ZBED3: variants seen among roughly 807,000 people sequenced by gnomAD.
The protein encoded by ZBED3 is zinc finger BED-type containing 3.
For missense variants in ZBED3, 388 were observed against 362.9 expected (o/e 1.07, Z -0.56); for synonymous variants, 175 against 180.0 (o/e 0.97, Z 0.22).
In ZBED3 at chr5:77,077,609, C is replaced by T; in HGVS notation, c.270G>A (p.Trp90Ter). The T allele has an allele frequency of 2.8e-6, 4 of 1,405,248 alleles. No homozygotes were observed. Among genetic ancestry groups the T allele is most frequent in the Non-Finnish European group, 3.7e-6 (4 of 1,078,666 alleles). The allele number at this position is 1,405,248 out of a possible 1,614,324, so 87.0% of individuals were successfully genotyped here. The change falls in exon 3 of 3, where the codon TGG (tryptophan) becomes TGA (stop). Residue 90 changes from tryptophan (W) to a stop codon, truncating the protein, a stop_gained. Transcript: ENST00000255198. LOFTEE classifies it low-confidence loss of function (END_TRUNC). The stretch of plus-strand genomic sequence containing the variant: ...GCCGGTGCGCGCTCCTCAGGTGCCT[C>T]CACAACGCCGAGGTCCCCGCGTGGA... ...PGFHAGTSAL[W>*]RHLRSAHRRE... is the part of the protein sequence containing the mutation.
At position 77,077,662 on chromosome 5, in the gene ZBED3, C is replaced by G; in HGVS notation, c.217G>C (p.Gly73Arg). The change falls in exon 3 of 3, where the codon GGG becomes CGG. Residue 73 changes from glycine to arginine, a missense_variant. By Grantham distance (125) the Gly-to-Arg change is moderately radical. Transcript: ENST00000255198. ...SGHWATCRLC[G>R]EQVGRGPGFH... is the part of the protein sequence containing the mutation. ...CCCGGGCCGCGGCCCACCTGCTCCC[C>G]GCACAGACGGCAGGTGGCCCAGTGG... 1 of 1,403,528 alleles carries G rather than the reference C, an allele frequency of 7.1e-7. No individual in the cohort carries two copies. Among genetic ancestry groups the G allele is most frequent in the South Asian group, 1.5e-5 (1 of 66,506 alleles). 86.9% of individuals were successfully genotyped at this position (1,403,528 alleles called of 1,614,324 possible).
chr5:77,085,273 A>T (rs1190676834), intron 1 of ZBED3, among the ~76,000 whole-genome samples: 2 of 152,378 alleles, frequency 1.3e-5, no homozygotes, highest in East Asian at 3.9e-4. Flanking sequence ...ATCTGTATAA[A>T]CATGGGCATA....
At position 77,079,993 on chromosome 5, in the gene ZBED3, C is replaced by T. The variant is rs928887708; in HGVS notation, c.-152-1265G>A. Among the ~76,000 whole-genome samples, 11 of 151,748 alleles carry T rather than the reference C, an allele frequency of 7.2e-5. 1 individual carries two copies. The South Asian group carries it at 1.9e-3, about 26-fold the overall frequency. ...CCTTCTATATTGAATCTGATCTTTC[C>T]TGAGGTCCTTTTTTATTACTGGACA... On this transcript the variant is annotated intron_variant, in intron 1 of 2. Transcript: ENST00000255198.
In ZBED3 at chr5:77,075,993, G is replaced by GTATA. The variant is rs1230338430; in HGVS notation, c.*1177_*1180dup. 4.9e-5 allele frequency: 1 copy of GTATA among 20,588 alleles called. No homozygotes were observed. Among genetic ancestry groups the GTATA allele is most frequent in the African/African-American group, 1.9e-4 (1 of 5,350 alleles). The allele number at this position is 20,588 out of a possible 1,614,324, so 1.3% of individuals were successfully genotyped here. On this transcript the variant is annotated 3_prime_UTR_variant, in exon 3 of 3. Coordinates refer to ENST00000255198, the MANE Select transcript of ZBED3 (RefSeq NM_032367.4). Reference sequence around the variant, plus strand: ...TATATGTATATATGTATATATATATGTATATATGTATATATATATGTATAT... The same window carrying GTATA: ...TATATGTATATATGTATATATATATGTATATATATATGTATATATATATGTATAT...
In ZBED3 at chr5:77,072,128, T is replaced by C. The variant is rs1455911517; in HGVS notation, c.*5046A>G. ...TGAAACCAGATTTCAGAGAATGTCA[T>C]AATTAAGATTTTTATAAAAAGAAAC... On this transcript the variant is annotated 3_prime_UTR_variant, in exon 3 of 3. Coordinates refer to ENST00000255198, the MANE Select transcript of ZBED3 (RefSeq NM_032367.4). 1 of 152,194 alleles carries C rather than the reference T, an allele frequency of 6.6e-6. No homozygotes were observed. The highest frequency in any genetic ancestry group is 1.5e-5 in the Non-Finnish European group (1 of 68,022). The allele number at this position is 152,194 out of a possible 1,614,324, so 9.4% of individuals were successfully genotyped here.
chr5:77,085,462 T>C (rs7712137), intron 1 of ZBED3, among the ~76,000 whole-genome samples: 90,323 of 152,136 alleles, frequency 0.59, 27,176 homozygotes, highest in Middle Eastern at 0.65. Flanking sequence ...TTTGTCCTTC[T>C]ATACTCAAGG....
At chr5:77,079,020 G>T (rs1743079396) in intron 1 of ZBED3, 1 of 152,144 alleles carries the variant, frequency 6.6e-6, no homozygotes, top group South Asian at 2.1e-4. Flanking sequence ...TCTGTTAAAA[G>T]GATCCAAACA....
chr5:77,086,648 G>A (rs1743246916), intron 1 of ZBED3: 3 of 151,480 alleles, frequency 2.0e-5, no homozygotes, highest in Admixed American at 1.3e-4. Flanking sequence ...CATGAGGGGT[G>A]GGGGAGGGGT....
intron 1 of ZBED3, among the ~76,000 whole-genome samples, chr5:77,085,993 A>G (rs796685195): frequency 1.3e-5 from 2 of 152,268 alleles, no homozygotes; most frequent in South Asian, 4.1e-4. Flanking sequence ...GCATAAGCCA[A>G]ACTCTTAGAT....
chr5:77,081,338 C>CT lies in ZBED3; in HGVS notation c.-152-2611dup, dbSNP rs5868851. Among the ~76,000 whole-genome samples, 1,166 of 143,356 alleles carry CT rather than the reference C, an allele frequency of 8.1e-3. 61 individuals are homozygous for CT. In the East Asian group the frequency reaches 0.15, roughly 18 times the overall value. 94.0% of individuals were successfully genotyped at this position (143,356 alleles called of 152,430 possible). On this transcript the variant is annotated intron_variant, in intron 1 of 2. Coordinates refer to ENST00000255198, the MANE Select transcript of ZBED3 (RefSeq NM_032367.4). ...TTCTGGCCATTTCTTTTCTTTCTTTCTTTTTTTTTTTTTTTTAATTTTTTT... is the reference window on the plus strand; with the variant it reads ...TTCTGGCCATTTCTTTTCTTTCTTTCTTTTTTTTTTTTTTTTTAATTTTTTT...
In ZBED3 at chr5:77,077,411, G is replaced by C; in HGVS notation, c.468C>G (p.Ala156=). 10 of 1,242,116 alleles carry C rather than the reference G, an allele frequency of 8.1e-6. No individual in the cohort carries two copies. The highest frequency in any genetic ancestry group is 1.0e-5 in the Non-Finnish European group (10 of 991,210). The allele number at this position is 1,242,116 out of a possible 1,614,324, so 76.9% of individuals were successfully genotyped here. Residue 156 remains alanine, a synonymous_variant, in exon 3 of 3, where the codon GCC becomes GCG. Coordinates refer to ENST00000255198, the MANE Select transcript of ZBED3 (RefSeq NM_032367.4). The stretch of plus-strand genomic sequence containing the variant: ...CCAGGGCGCGCTCGCCCTGCTCCAC[G>C]GCCAGCTCGCGCCGCTCCAGCTCCC... ...RERELERREL[A]VEQGERALER... is the part of the protein sequence containing the mutation.
At chr5:77,084,175 G>A (rs2914143) in intron 1 of ZBED3, among the ~76,000 whole-genome samples, 29,636 of 152,076 alleles carry the variant, frequency 0.19, 3,105 homozygotes, top group East Asian at 0.34. Context: ...CTCAGGAAGC[G>A]TACGGTCTGG....
Position 77,073,980 on chromosome 5 carries a change from A to G in ZBED3, c.*3194T>C, listed in dbSNP as rs1003391874. ...AAGTAAGAAATGTCTTGACATGAGG[A>G]GAAATCAAGGAAAGCATGGTTTTAG... On this transcript the variant is annotated 3_prime_UTR_variant, in exon 3 of 3. Coordinates refer to ENST00000255198, the MANE Select transcript of ZBED3 (RefSeq NM_032367.4). 4 of 152,230 alleles carry G rather than the reference A, an allele frequency of 2.6e-5. No homozygotes were observed. Among genetic ancestry groups the G allele is most frequent in the African/African-American group, 9.7e-5 (4 of 41,430 alleles). 9.4% of individuals were successfully genotyped at this position (152,230 alleles called of 1,614,324 possible). A position where few individuals can be genotyped will look rare whatever the true frequency, so the allele number is the denominator to read the frequency against.
At position 77,075,893 on chromosome 5, in the gene ZBED3, G is replaced by T. The variant is rs1272436416; in HGVS notation, c.*1281C>A. 5 of 137,530 alleles carry T rather than the reference G, an allele frequency of 3.6e-5. 1 individual carries two copies. The highest frequency in any genetic ancestry group is 1.5e-4 in the Admixed American group (2 of 13,390). 8.5% of individuals were successfully genotyped at this position (137,530 alleles called of 1,614,324 possible). A position where few individuals can be genotyped will look rare whatever the true frequency, so the allele number is the denominator to read the frequency against. On this transcript the variant is annotated 3_prime_UTR_variant, in exon 3 of 3. Transcript: ENST00000255198. ...ATTGTGGCAGCTTGGAAATAGTCTG[G>T]TGAAGCATAGAAAACTGACATGCAC...
At chr5:77,082,316 T>G (rs1743144215) in intron 1 of ZBED3, among the ~76,000 whole-genome samples, 1 of 151,552 alleles carries the variant, frequency 6.6e-6, no homozygotes, top group Non-Finnish European at 1.5e-5. Context: ...TGGGGATCTC[T>G]TCTATAGAAC....
rs1742923905 is a variant in ZBED3 at position 77,073,691 on chromosome 5, C to T, written c.*3483G>A. ...CAGCTTAAAAAATTACTACTATTTCCTTTTATTTGTTGTTGTGAATTTTAC... is the reference window on the plus strand; with the variant it reads ...CAGCTTAAAAAATTACTACTATTTCTTTTTATTTGTTGTTGTGAATTTTAC... On this transcript the variant is annotated 3_prime_UTR_variant, in exon 3 of 3. Coordinates refer to ENST00000255198, the MANE Select transcript of ZBED3 (RefSeq NM_032367.4). 1 of 151,788 alleles carries T rather than the reference C, an allele frequency of 6.6e-6. No individual in the cohort carries two copies. Among genetic ancestry groups the T allele is most frequent in the Non-Finnish European group, 1.5e-5 (1 of 67,840 alleles). The allele number at this position is 151,788 out of a possible 1,614,324, so 9.4% of individuals were successfully genotyped here. A position where few individuals can be genotyped will look rare whatever the true frequency, so the allele number is the denominator to read the frequency against.
intron 1 of ZBED3, among the ~76,000 whole-genome samples, chr5:77,082,311 A>C (rs1429852270): frequency 6.6e-6 from 1 of 151,934 alleles, no homozygotes; most frequent in African/African-American, 2.4e-5. Flanking sequence ...ACTCCTGGGG[A>C]TCTCTTCTAT....
rs775355075 is a variant in ZBED3 at position 77,078,705 on chromosome 5, A to G, written c.-129T>C. 6.6e-6 allele frequency: 1 copy of G among 152,208 alleles called. No individual in the cohort carries two copies. The highest frequency in any genetic ancestry group is 1.5e-5 in the Non-Finnish European group (1 of 68,044). 9.4% of individuals were successfully genotyped at this position (152,208 alleles called of 1,614,324 possible). On this transcript the variant is annotated 5_prime_UTR_variant, in exon 2 of 3. Transcript: ENST00000255198. Reference sequence around the variant, plus strand: ...AACAATGCATGCAACACGATTCCTGAGTTCTGAAGAACCATCAGCAGTGCT... The same window carrying G: ...AACAATGCATGCAACACGATTCCTGGGTTCTGAAGAACCATCAGCAGTGCT...
Position 77,076,849 on chromosome 5 carries a change from A to C in ZBED3, c.*325T>G. On this transcript the variant is annotated 3_prime_UTR_variant, in exon 3 of 3. Coordinates refer to ENST00000255198, the MANE Select transcript of ZBED3 (RefSeq NM_032367.4). The stretch of plus-strand genomic sequence containing the variant: ...TTCGGGTTCCCAGCCCTAAGTGGCC[A>C]TGGCACTGGGTGGTCTGGGTTCACG... 4.5e-6 allele frequency: 1 copy of C among 221,760 alleles called. No homozygotes were observed. Among genetic ancestry groups the C allele is most frequent in the Non-Finnish European group, 8.8e-6 (1 of 113,992 alleles). The allele number at this position is 221,760 out of a possible 1,614,324, so 13.7% of individuals were successfully genotyped here.
Sources: allele counts gnomAD v4.1 joint callset (sites outside exome capture counted in the v4.1 genomes callset), GRCh38; gene constraint gnomAD v4.1.1; transcripts MANE v1.5; gene names NCBI Gene and HGNC (gene_info 2026-07-23, HGNC 2026-07-21).